The following VPS13B variants were observed in gnomAD, a reference collection of about 807,000 sequenced individuals.
VPS13B encodes intermembrane lipid transfer protein VPS13B.
A neutral mutation model predicts 426.4 loss-of-function variants in VPS13B; 285 were observed. The ratio of observed to expected loss-of-function variants is 0.67; its 90% confidence interval spans 0.61 to 0.74. The LOEUF (loss-of-function observed/expected upper bound fraction) is 0.74, where lower values mean the gene tolerates loss of function less well. Among genes scored for constraint, VPS13B ranks in the 30% least tolerant of loss-of-function variants. The pLI, the probability that VPS13B is intolerant of heterozygous loss-of-function variation, is 0.00. For missense variants in VPS13B, 4,537 were observed against 4,782.6 expected (o/e 0.95, Z 1.51); for synonymous variants, 1,676 against 1,676.4 (o/e 1.00, Z 0.01).
At chr8:99,322,355 A>C (rs926719560) in intron 19 of VPS13B, among the ~76,000 whole-genome samples, 4 of 152,158 alleles carry the variant, frequency 2.6e-5, no homozygotes, top group African/African-American at 9.7e-5. Context: ...ATTTTCACTT[A>C]ATTAAGGCTA....
intron 22 of VPS13B, among the ~76,000 whole-genome samples, chr8:99,437,404 T>A (rs3103714): frequency 0.27 from 40,405 of 149,534 alleles, 6,115 homozygotes; most frequent in East Asian, 0.43. Flanking sequence ...TCTTTTTTTT[T>A]AAAAAAAAAT....
chr8:99,511,451 C>T lies in VPS13B; in HGVS notation c.4572C>T (p.Val1524=), dbSNP rs753654004. 6.2e-7 allele frequency: 1 copy of T among 1,613,476 alleles called. No individual in the cohort carries two copies. Among genetic ancestry groups the T allele is most frequent in the Non-Finnish European group, 8.5e-7 (1 of 1,179,916 alleles). The change falls in exon 29 of 62, where the codon GTC becomes GTT. Residue 1524 remains valine (V), a synonymous_variant. Coordinates refer to ENST00000357162, the MANE Select transcript of VPS13B (RefSeq NM_152564.5). ...CCCGCAATTTACCTTTGATTTATGT[C>T]AACACAAGTGTAATCAGAATTTTTA... ...LTSRNLPLIY[V]NTSVIRIFIP...
At position 99,727,693 on chromosome 8, in the gene VPS13B, CGTG is replaced by C. The variant is rs574965287; in HGVS notation, c.7050+6648_7050+6650del. Among the ~76,000 whole-genome samples, 171 of 152,284 alleles carry C rather than the reference CGTG, an allele frequency of 1.1e-3. 1 individual carries two copies. Among genetic ancestry groups the C allele is most frequent in the Middle Eastern group, 6.8e-3 (2 of 294 alleles). ...CTCCCACTGGTTCCCTCCCACAACA[CGTG>C]GGAATTATGGGAGTTACAAGATGAG... On this transcript the variant is annotated intron_variant, in intron 39 of 61. Transcript: ENST00000357162.
intron 8 of VPS13B, among the ~76,000 whole-genome samples, chr8:99,133,090 A>G (rs1216751738): frequency 6.6e-6 from 1 of 152,194 alleles, no homozygotes; most frequent in African/African-American, 2.4e-5. Context: ...CTCAGATGAC[A>G]TCTTCTTCCA....
At chr8:99,875,312 G>A (rs1817645295) in intron 61 of VPS13B, 106 bp from the exon 62 acceptor site, 1 of 1,462,534 alleles carries the variant, frequency 6.8e-7, no homozygotes, top group Admixed American at 1.7e-5. Flanking sequence ...TTTAATAGAT[G>A]ACCTAAAAGG....
intron 33 of VPS13B, among the ~76,000 whole-genome samples, chr8:99,619,522 G>T (rs922849844): frequency 5.9e-5 from 9 of 152,142 alleles, no homozygotes; most frequent in African/African-American, 1.9e-4. Flanking sequence ...ACTTGGCCAG[G>T]TTCCTTAACT....
At chr8:99,427,082 A>T (rs1453267260) in intron 21 of VPS13B, among the ~76,000 whole-genome samples, 1 of 44,164 alleles carries the variant, frequency 2.3e-5, no homozygotes, top group African/African-American at 1.1e-4. Context: ...TCTTGAATTG[A>T]TTTTTGTATA....
chr8:99,142,469 T>A (rs1810481858), intron 12 of VPS13B, among the ~76,000 whole-genome samples: 1 of 152,182 alleles, frequency 6.6e-6, no homozygotes, highest in Non-Finnish European at 1.5e-5. Flanking sequence ...AACATCGCTA[T>A]AATGAATCTA....
intron 2 of VPS13B, among the ~76,000 whole-genome samples, chr8:99,028,224 T>A (rs1215797175): frequency 2.6e-5 from 4 of 151,960 alleles, no homozygotes; most frequent in African/African-American, 9.6e-5. Flanking sequence ...AATGAGCCGC[T>A]GGGCACACCT....
intron 35 of VPS13B, among the ~76,000 whole-genome samples, chr8:99,677,473 C>G (rs1164807446): frequency 6.6e-6 from 1 of 152,168 alleles, no homozygotes; most frequent in Non-Finnish European, 1.5e-5. Context: ...GTCAGAATGT[C>G]AACTACGGAA....
At chr8:99,119,777 GTTAT>G (rs1218659399) in intron 7 of VPS13B, among the ~76,000 whole-genome samples, 1 of 152,132 alleles carries the variant, frequency 6.6e-6, no homozygotes, top group Non-Finnish European at 1.5e-5. Flanking sequence ...CTGTAAGGAT[GTTAT>G]TTAAAGATTT....
intron 17 of VPS13B, among the ~76,000 whole-genome samples, chr8:99,211,359 C>T (rs1169613953): frequency 5.3e-5 from 8 of 152,096 alleles, no homozygotes; most frequent in Admixed American, 4.6e-4. Flanking sequence ...GGCTTCCACC[C>T]GGTAATAGTA....
At chr8:99,795,214 T>A (rs977780013) in intron 43 of VPS13B, among the ~76,000 whole-genome samples, 1 of 152,140 alleles carries the variant, frequency 6.6e-6, no homozygotes, top group African/African-American at 2.4e-5. Context: ...GATCATGTAG[T>A]TTATTAGGCA....
intron 3 of VPS13B, among the ~76,000 whole-genome samples, chr8:99,062,626 G>T (rs772551093): frequency 1.3e-5 from 2 of 151,898 alleles, no homozygotes; most frequent in Non-Finnish European, 2.9e-5. Flanking sequence ...GCGCCACCAC[G>T]CCTGGCTAAT....
At chr8:99,398,395 A>C (rs1814856438) in intron 21 of VPS13B, among the ~76,000 whole-genome samples, 1 of 152,254 alleles carries the variant, frequency 6.6e-6, no homozygotes. Context: ...AAGAAGGTGC[A>C]TGACATGCTG....
intron 45 of VPS13B, 103 bp from the exon 46 acceptor site, chr8:99,818,348 T>C: frequency 8.1e-7 from 1 of 1,234,454 alleles, no homozygotes; most frequent in Non-Finnish European, 1.2e-6. Flanking sequence ...TCCCTAAACT[T>C]TAAACTCTTT....
At chr8:99,212,752 C>T (rs768224648) in intron 17 of VPS13B, among the ~76,000 whole-genome samples, 4 of 152,164 alleles carry the variant, frequency 2.6e-5, no homozygotes, top group Non-Finnish European at 5.9e-5. Context: ...ACCCAAACTT[C>T]TGAGCATGAA....
intron 3 of VPS13B, among the ~76,000 whole-genome samples, chr8:99,075,272 A>C (rs1845057851): frequency 6.6e-6 from 1 of 152,186 alleles, no homozygotes; most frequent in Non-Finnish European, 1.5e-5. Context: ...ATAGTCATGT[A>C]GCCGGCATCT....
In VPS13B at chr8:99,776,868, C is replaced by T; in HGVS notation, c.7341C>T (p.Thr2447=). 1 of 1,614,066 alleles carries T rather than the reference C, an allele frequency of 6.2e-7. No individual in the cohort carries two copies. Among genetic ancestry groups the T allele is most frequent in the Non-Finnish European group, 8.5e-7 (1 of 1,179,966 alleles). ...GTACCAGAGTTGACTCCTGCTTTAC[C>T]CCATGGTTTGTCCCATCCCTTTGCG... ...AACTRVDSCF[T]PWFVPSLCVS... The change falls in exon 41 of 62, where the codon ACC becomes ACT. Residue 2447 remains threonine, a synonymous_variant. Coordinates refer to ENST00000357162, the MANE Select transcript of VPS13B (RefSeq NM_152564.5).
Sources: gnomAD v4.1 joint callset for allele counts (sites outside exome capture counted in the v4.1 genomes callset) on GRCh38, gnomAD v4.1.1 for gene constraint, MANE v1.5 for transcripts, NCBI Gene and HGNC (gene_info 2026-07-23, HGNC 2026-07-21) for gene names.